IYD: variants seen among roughly 807,000 people sequenced by gnomAD.
The protein encoded by IYD is iodotyrosine deiodinase, also known as iodotyrosine deiodinase 1.
A neutral mutation model predicts 28.4 loss-of-function variants in IYD; 25 were observed. The observed-to-expected ratio is 0.88, with a 90% CI of 0.64 to 1.23. The LOEUF is 1.23. Ranked by LOEUF, IYD falls within the 50% of genes most tolerant of loss-of-function variation. IYD has a pLI of 0.00. For missense variants in IYD, 352 were observed against 357.9 expected, an observed-to-expected ratio of 0.98 and a Z score of 0.13; for synonymous variants, 140 against 130.8, an observed-to-expected ratio of 1.07 and a Z score of -0.48.
intron 1 of IYD, chr6:150,370,601 A>G: frequency 4.1e-6 from 4 of 985,378 alleles, no homozygotes; most frequent in Non-Finnish European, 4.8e-6. Context: ...TTCCACTCAG[A>G]ACGTCAATTC....
chr6:150,376,870 C>T (rs1777462500), intron 1 of IYD, among the ~76,000 whole-genome samples: 1 of 152,194 alleles, frequency 6.6e-6, no homozygotes, highest in South Asian at 2.1e-4. Context: ...AATCCTCCTA[C>T]CTCAGCCTCC....
intron 4 of IYD, chr6:150,396,754 G>A (rs1314361783): frequency 1.4e-5 from 3 of 221,684 alleles, no homozygotes; most frequent in African/African-American, 7.0e-5. Flanking sequence ...GGCGCCTGTA[G>A]TCCCAGCTAC....
intron 1 of IYD, among the ~76,000 whole-genome samples, chr6:150,380,593 GA>G (rs896012183): frequency 9.3e-4 from 141 of 152,136 alleles, no homozygotes; most frequent in African/African-American, 3.0e-3. Context: ...ATGCTTTGAG[GA>G]GGCCAATTCC....
intron 3 of IYD, among the ~76,000 whole-genome samples, chr6:150,393,812 T>C (rs557389549): frequency 1.2e-4 from 19 of 152,348 alleles, no homozygotes; most frequent in Middle Eastern, 3.4e-3. Context: ...GCCTTCTCCC[T>C]TGCTGAATTT....
At position 150,403,704 on chromosome 6, in the gene IYD, T is replaced by A. The variant is rs1026226574; in HGVS notation, c.*5467T>A. On this transcript the variant is annotated 3_prime_UTR_variant, in exon 5 of 5. Transcript: ENST00000344419. The stretch of plus-strand genomic sequence containing the variant: ...TGAAATGTGAGAGGCTATAATCCCA[T>A]TTGGGAAATTCCTAAAAAGTCATGA... The A allele has an allele frequency of 3.3e-5, 5 of 152,256 alleles. No individual in the cohort carries two copies. In the South Asian group the frequency reaches 6.2e-4, roughly 19 times the overall value. 9.4% of individuals were successfully genotyped at this position (152,256 alleles called of 1,614,324 possible).
At chr6:150,377,975 A>C (rs1342559574) in intron 1 of IYD, among the ~76,000 whole-genome samples, 1 of 152,122 alleles carries the variant, frequency 6.6e-6, no homozygotes, top group Non-Finnish European at 1.5e-5. Context: ...CTTTCTTCTA[A>C]ATAGGCCCAA....
At chr6:150,394,694 T>C (rs1778245985) in intron 4 of IYD, among the ~76,000 whole-genome samples, 1 of 152,236 alleles carries the variant, frequency 6.6e-6, no homozygotes, top group Non-Finnish European at 1.5e-5. Flanking sequence ...AAGAAGGTCA[T>C]GTGCTTTTCA....
intron 3 of IYD, 76 bp downstream of exon 3, chr6:150,392,580 C>T: frequency 6.8e-7 from 1 of 1,473,842 alleles, no homozygotes; most frequent in Non-Finnish European, 9.4e-7. Context: ...CATGTCCTGG[C>T]TTTGTTGTAA....
chr6:150,381,647 C>T (rs1222722875), intron 1 of IYD, among the ~76,000 whole-genome samples: 1 of 152,166 alleles, frequency 6.6e-6, no homozygotes, highest in African/African-American at 2.4e-5. Context: ...GAAGTAACTT[C>T]TATTTTGAAT....
intron 4 of IYD, among the ~76,000 whole-genome samples, chr6:150,394,499 A>T (rs558305857): frequency 6.6e-6 from 1 of 152,364 alleles, no homozygotes; most frequent in East Asian, 1.9e-4. Flanking sequence ...GTCATCTGTA[A>T]CAACATGAAG....
In IYD at chr6:150,398,121, G is replaced by A; in HGVS notation, c.754G>A (p.Gly252Ser). 6.2e-7 allele frequency: 1 copy of A among 1,614,120 alleles called. No individual in the cohort carries two copies. Among genetic ancestry groups the A allele is most frequent in the Non-Finnish European group, 8.5e-7 (1 of 1,180,018 alleles). ...TGGCCCTCGACTGAGGGTGCTCCTGGGCCGCCCCGCACATGAAAAGCTGCT... is the reference window on the plus strand; with the variant it reads ...TGGCCCTCGACTGAGGGTGCTCCTGAGCCGCCCCGCACATGAAAAGCTGCT... ...NCGPRLRVLL[G>S]RPAHEKLLML... The change falls in exon 5 of 5, where the codon GGC becomes AGC. Residue 252 changes from glycine to serine, a missense_variant. Coordinates refer to ENST00000344419, the MANE Select transcript of IYD (RefSeq NM_203395.3).
chr6:150,382,105 G>A (rs767802354), intron 1 of IYD, among the ~76,000 whole-genome samples: 3 of 152,118 alleles, frequency 2.0e-5, no homozygotes, highest in Non-Finnish European at 4.4e-5. Flanking sequence ...TGCAGGAATG[G>A]CCTCTGCTGT....
At chr6:150,375,567 C>T (rs933797726) in intron 1 of IYD, among the ~76,000 whole-genome samples, 2 of 152,122 alleles carry the variant, frequency 1.3e-5, no homozygotes, top group South Asian at 2.1e-4. Flanking sequence ...TGCAAACGGT[C>T]AGTATCTACT....
chr6:150,378,882 G>T (rs1358318400), intron 1 of IYD, among the ~76,000 whole-genome samples: 6 of 152,150 alleles, frequency 3.9e-5, no homozygotes, highest in Admixed American at 3.9e-4. Flanking sequence ...CAAAGACTTG[G>T]AACCAACCCA....
Position 150,389,421 on chromosome 6 carries a change from A to T in IYD, c.248A>T (p.Glu83Val), listed in dbSNP as rs143034765. Residue 83 changes from glutamate to valine, a missense_variant, in exon 2 of 5, where the codon GAG becomes GTG. Transcript: ENST00000344419. ...CCCTTCTCTCATAACCACTATCCTG[A>T]GAAGGAAATGGTTAAGAGGTCTCAG... The part of the protein sequence containing the change: ...HIPFSHNHYP[E>V]KEMVKRSQEF... 34 of 1,613,478 alleles carry T rather than the reference A, an allele frequency of 2.1e-5. No individual in the cohort carries two copies. In the African/African-American group the frequency reaches 4.1e-4, roughly 20 times the overall value.
chr6:150,387,449 G>T (rs776483609), intron 1 of IYD, among the ~76,000 whole-genome samples: 1,452 of 118,108 alleles, frequency 0.012, 16 homozygotes, highest in African/African-American at 0.039. Context: ...AAAAAAAAAA[G>T]AATTTACCAG....
chr6:150,388,993 C>A (rs28622343), intron 1 of IYD, among the ~76,000 whole-genome samples: 3,166 of 152,232 alleles, frequency 0.021, 105 homozygotes, highest in African/African-American at 0.072. Context: ...TAAGCCACCA[C>A]GCCCGGACTT....
chr6:150,387,067 T>C (rs1022909299), intron 1 of IYD, among the ~76,000 whole-genome samples: 1 of 152,128 alleles, frequency 6.6e-6, no homozygotes, highest in Admixed American at 6.5e-5. Flanking sequence ...TAAAAATAAC[T>C]CTTTGAGTTT....
At chr6:150,383,176 T>A (rs191625022) in intron 1 of IYD, among the ~76,000 whole-genome samples, 1 of 152,316 alleles carries the variant, frequency 6.6e-6, no homozygotes, top group Non-Finnish European at 1.5e-5. Context: ...CCTGGATCAC[T>A]CAGATGATAT....
Sources: allele counts gnomAD v4.1 joint callset (sites outside exome capture counted in the v4.1 genomes callset), GRCh38; gene constraint gnomAD v4.1.1; transcripts MANE v1.5; gene names NCBI Gene and HGNC (gene_info 2026-07-23, HGNC 2026-07-21).